The following SOX6 variants were observed in gnomAD, a reference collection of about 807,000 sequenced individuals.
The protein encoded by SOX6 is SRY-box transcription factor 6, also known as transcription factor SOX-6.
SOX6 carries 11 observed loss-of-function variants against 97.8 expected under a neutral mutation model. The observed-to-expected ratio is 0.11, with a 90% CI of 0.07 to 0.19. The LOEUF (loss-of-function observed/expected upper bound fraction) is 0.19, where lower values mean the gene tolerates loss of function less well. SOX6 is among the 10% of genes least tolerant of loss of function. The pLI, the probability that SOX6 is intolerant of heterozygous loss-of-function variation, is 1.00. For missense variants in SOX6, 810 were observed against 1,039.5 expected, an observed-to-expected ratio of 0.78 and a Z score of 3.04; for synonymous variants, 360 against 371.4, an observed-to-expected ratio of 0.97 and a Z score of 0.35.
intron 3 of SOX6, among the ~76,000 whole-genome samples, chr11:16,244,935 G>A (rs567180076): frequency 4.6e-5 from 7 of 151,796 alleles, no homozygotes; most frequent in Admixed American, 6.6e-5. Flanking sequence ...TTTTGGCTAC[G>A]CTAGGTCCTT....
chr11:16,302,822 G>T (rs889652227), intron 3 of SOX6, among the ~76,000 whole-genome samples: 6 of 151,698 alleles, frequency 4.0e-5, no homozygotes, highest in African/African-American at 9.7e-5. Context: ...CACCTGCCTC[G>T]GTCTCCCAAA....
chr11:16,518,823 G>A (rs1314890380), intron 4 of SOX6, among the ~76,000 whole-genome samples: 7 of 151,812 alleles, frequency 4.6e-5, no homozygotes, highest in Non-Finnish European at 7.4e-5. Flanking sequence ...ATTTATTTTC[G>A]AAAATACAAC....
chr11:16,014,325 T>C (rs749113242), intron 13 of SOX6, among the ~76,000 whole-genome samples: 6 of 152,074 alleles, frequency 3.9e-5, no homozygotes, highest in Admixed American at 6.6e-5. Flanking sequence ...CCCAGACTTC[T>C]GAAAGACGTT....
At chr11:16,282,808 A>T (rs1424870044) in intron 3 of SOX6, among the ~76,000 whole-genome samples, 1 of 151,064 alleles carries the variant, frequency 6.6e-6, no homozygotes, top group Non-Finnish European at 1.5e-5. Flanking sequence ...ACAATCCATT[A>T]CTACTTTATC....
At chr11:16,164,573 C>G (rs996550681) in intron 6 of SOX6, among the ~76,000 whole-genome samples, 1 of 152,130 alleles carries the variant, frequency 6.6e-6, no homozygotes, top group African/African-American at 2.4e-5. Context: ...CCTGTAATCC[C>G]AGCAATTTGG....
chr11:16,672,292 A>T (rs566535846), intron 3 of SOX6, among the ~76,000 whole-genome samples: 1 of 152,214 alleles, frequency 6.6e-6, no homozygotes, highest in African/African-American at 2.4e-5. Context: ...AAACCCACAC[A>T]TATCAATACT....
chr11:16,400,172 T>C (rs1180626766), intron 1 of SOX6, among the ~76,000 whole-genome samples: 2 of 151,478 alleles, frequency 1.3e-5, no homozygotes. Flanking sequence ...ATCATAGACC[T>C]TATATTCCAG....
At chr11:16,439,791 A>G (rs1160293453) in intron 1 of SOX6, among the ~76,000 whole-genome samples, 2 of 152,198 alleles carry the variant, frequency 1.3e-5, no homozygotes, top group Non-Finnish European at 2.9e-5. Context: ...CCACAGCAAG[A>G]TTGTCCCAAT....
chr11:16,580,325 AG>A (rs769760956), intron 4 of SOX6, among the ~76,000 whole-genome samples: 90 of 152,294 alleles, frequency 5.9e-4, no homozygotes, highest in Non-Finnish European at 7.2e-4. Flanking sequence ...GATATGTTCT[AG>A]TAATATATTC....
chr11:16,326,284 A>G (rs535466974), intron 2 of SOX6, among the ~76,000 whole-genome samples: 2 of 152,114 alleles, frequency 1.3e-5, no homozygotes, highest in African/African-American at 2.4e-5. Flanking sequence ...TGATTTCCAG[A>G]CCCTTCATCA....
intron 6 of SOX6, among the ~76,000 whole-genome samples, chr11:16,177,624 T>TCTCTCTCTCTCTCTCTCTCTCA (rs1156237793): frequency 4.0e-5 from 2 of 49,852 alleles, no homozygotes; most frequent in Non-Finnish European, 1.3e-4. Flanking sequence ...TAAGATGATC[T>TCTCTCTCTCTCTCTCTCTCTCA]CTCTCTCTCT....
chr11:16,447,771 T>C (rs1859642353), intron 1 of SOX6, among the ~76,000 whole-genome samples: 2 of 152,154 alleles, frequency 1.3e-5, no homozygotes, highest in African/African-American at 2.4e-5. Context: ...TCAAACTGTG[T>C]GTTGAATGAG....
chr11:16,189,932 A>G (rs1007847841), intron 4 of SOX6, among the ~76,000 whole-genome samples: 6 of 152,174 alleles, frequency 3.9e-5, no homozygotes, highest in African/African-American at 1.4e-4. Context: ...AGATTCCCCA[A>G]TAAATACTGG....
chr11:16,461,412 T>C (rs1859924270), intron 1 of SOX6, among the ~76,000 whole-genome samples: 1 of 152,168 alleles, frequency 6.6e-6, no homozygotes, highest in African/African-American at 2.4e-5. Flanking sequence ...TTGGTTGTGA[T>C]GGTCCCCTAT....
intron 12 of SOX6, among the ~76,000 whole-genome samples, chr11:16,017,170 T>C (rs1444056478): frequency 1.3e-5 from 2 of 152,054 alleles, no homozygotes; most frequent in Non-Finnish European, 2.9e-5. Flanking sequence ...CACAATTCAG[T>C]AGTATCAGCT....
Position 16,204,117 on chromosome 11 carries a change from T to TAA in SOX6, c.536-17164_536-17163dup, listed in dbSNP as rs201249305. Among the ~76,000 whole-genome samples, 7 of 148,856 alleles carry TAA rather than the reference T, an allele frequency of 4.7e-5. No homozygotes were observed. The South Asian group carries it at 6.4e-4, about 14-fold the overall frequency. Reference sequence around the variant, plus strand: ...AGATACATACAATTTTATTGTCAATTAAAAAAAAAACACCACTTTTTAAGT... The same window carrying TAA: ...AGATACATACAATTTTATTGTCAATTAAAAAAAAAAAACACCACTTTTTAAGT... On this transcript the variant is annotated intron_variant, in intron 4 of 15. Transcript: ENST00000683767.
intron 4 of SOX6, among the ~76,000 whole-genome samples, chr11:16,582,716 G>T (rs1400732234): frequency 6.6e-6 from 1 of 151,988 alleles, no homozygotes; most frequent in Non-Finnish European, 1.5e-5. Flanking sequence ...TTTAAATCTA[G>T]ATAAAATAGT....
chr11:16,584,843 C>T (rs1848074994), intron 4 of SOX6, among the ~76,000 whole-genome samples: 1 of 152,196 alleles, frequency 6.6e-6, no homozygotes, highest in South Asian at 2.1e-4. Context: ...ACTGGCCAAG[C>T]CAGGCTGCAC....
chr11:16,378,645 G>A (rs886792367), intron 1 of SOX6, among the ~76,000 whole-genome samples: 3 of 151,700 alleles, frequency 2.0e-5, no homozygotes, highest in Non-Finnish European at 2.9e-5. Context: ...AAAATTAAAG[G>A]TAAAAAAATA....
Sources: gnomAD v4.1 joint callset for allele counts (sites outside exome capture counted in the v4.1 genomes callset) on GRCh38, gnomAD v4.1.1 for gene constraint, MANE v1.5 for transcripts, NCBI Gene and HGNC (gene_info 2026-07-23, HGNC 2026-07-21) for gene names.